Variants in DNMT3B observed in about 807,000 individuals in gnomAD.
DNMT3B encodes the protein DNA (cytosine-5)-methyltransferase 3B.
In DNMT3B, 37 loss-of-function variants were observed where a neutral mutation model predicts 120.2. The observed-to-expected ratio is 0.31, with a 90% CI of 0.24 to 0.40. The LOEUF (loss-of-function observed/expected upper bound fraction) is 0.40, where lower values mean the gene tolerates loss of function less well. DNMT3B is among the 10% of genes least tolerant of loss of function. DNMT3B has a pLI of 1.00. For synonymous variants in DNMT3B, 412 were observed against 442.8 expected (o/e 0.93, Z 0.87); for missense variants, 878 against 1,137.3 (o/e 0.77, Z 3.28).
rs377245977 is a variant in DNMT3B at position 32,805,414 on chromosome 20, C to T, written c.2301+7C>T. ...ATACAATAGGATAGCCAAGGTAAGA[C>T]GAGCTGTGGCCCTCTGGAAAAATGC... On this transcript the variant is annotated splice_region_variant and intron_variant, in intron 21 of 22. Transcript: ENST00000328111. The T allele has an allele frequency of 3.1e-5, 50 of 1,613,950 alleles. No homozygotes were observed. The highest frequency in any genetic ancestry group is 2.5e-4 in the South Asian group (23 of 91,068).
chr20:32,780,585 A>G, intron 2 of DNMT3B, 120 bp downstream of exon 2: 1 of 1,472,100 alleles, frequency 6.8e-7, no homozygotes, highest in Non-Finnish European at 9.1e-7. Flanking sequence ...CCCGGGAGGG[A>G]AGAGAGCTCT....
rs1601096135 is a variant in DNMT3B at position 32,788,850 on chromosome 20, C to T, written c.655-4C>T. ...GGGATTTCTTCATGTGGGTTTTCTT[C>T]CAGGATGGGAAGGAGTTTGGAATAG... On this transcript the variant is annotated splice_polypyrimidine_tract_variant and splice_region_variant and intron_variant, in intron 6 of 22. Transcript: ENST00000328111. The T allele has an allele frequency of 6.2e-7, 1 of 1,613,170 alleles. No individual in the cohort carries two copies. The highest frequency in any genetic ancestry group is 8.5e-7 in the Non-Finnish European group (1 of 1,179,894).
intron 18 of DNMT3B, 147 bp from the exon 19 acceptor site, chr20:32,801,131 C>A: frequency 7.7e-7 from 1 of 1,295,456 alleles, no homozygotes; most frequent in African/African-American, 1.5e-5. Flanking sequence ...CTGCCTGTGT[C>A]CCTGCTGTCA....
chr20:32,769,303 G>A (rs2145851469), intron 1 of DNMT3B, among the ~76,000 whole-genome samples: 1 of 152,212 alleles, frequency 6.6e-6, no homozygotes, highest in East Asian at 1.9e-4. Flanking sequence ...TCGCCAGGAT[G>A]GTCTTGATCT....
At chr20:32,780,489 G>GTGGT in intron 2 of DNMT3B, 24 bp downstream of exon 2, 1 of 1,609,000 alleles carries the variant, frequency 6.2e-7, no homozygotes, top group South Asian at 1.1e-5. Flanking sequence ...GGGGACTGGG[G>GTGGT]TGGTGTCAGG....
intron 1 of DNMT3B, among the ~76,000 whole-genome samples, chr20:32,770,301 T>C (rs965233287): frequency 6.6e-6 from 1 of 151,898 alleles, no homozygotes; most frequent in Non-Finnish European, 1.5e-5. Flanking sequence ...TTTTTTTTTT[T>C]CTGAGGCAGA....
Position 32,809,346 on chromosome 20 carries a change from G to A in DNMT3B, c.*1443G>A, listed in dbSNP as rs1312652054. 8 of 201,680 alleles carry A rather than the reference G, an allele frequency of 4.0e-5. No homozygotes were observed. In the East Asian group the frequency reaches 6.1e-4, roughly 15 times the overall value. 12.5% of individuals were successfully genotyped at this position (201,680 alleles called of 1,614,324 possible). On this transcript the variant is annotated 3_prime_UTR_variant, in exon 23 of 23. Coordinates refer to ENST00000328111, the MANE Select transcript of DNMT3B (RefSeq NM_006892.4). The stretch of plus-strand genomic sequence containing the variant: ...TTTACCTTATGTTTAATTAAAATCA[G>A]TATTTGTCTATAACTGTCTGATGTC...
At chr20:32,763,908 G>A (rs1412951896) in intron 1 of DNMT3B, among the ~76,000 whole-genome samples, 1 of 152,202 alleles carries the variant, frequency 6.6e-6, no homozygotes, top group Non-Finnish European at 1.5e-5. Flanking sequence ...GGATGCGGTG[G>A]GTTGTGGCAG....
chr20:32,776,621 C>T (rs1483953465), intron 1 of DNMT3B, among the ~76,000 whole-genome samples: 1 of 152,130 alleles, frequency 6.6e-6, no homozygotes, highest in East Asian at 1.9e-4. Flanking sequence ...CTTGGTTTCT[C>T]CATCTGCAAA....
At chr20:32,800,322 G>C in intron 17 of DNMT3B, 24 bp downstream of exon 17, 4 of 1,613,764 alleles carry the variant, frequency 2.5e-6, no homozygotes, top group Non-Finnish European at 2.5e-6. Context: ...GTACCTTGCG[G>C]GCCTCATCTC....
intron 7 of DNMT3B, among the ~76,000 whole-genome samples, chr20:32,789,380 G>T (rs1979699635): frequency 6.6e-6 from 1 of 152,240 alleles, no homozygotes; most frequent in Non-Finnish European, 1.5e-5. Context: ...GCGGCCTCTT[G>T]TCATTTAGCC....
At chr20:32,797,822 G>C (rs1373233972) in intron 14 of DNMT3B, among the ~76,000 whole-genome samples, 1 of 152,082 alleles carries the variant, frequency 6.6e-6, no homozygotes, top group Admixed American at 6.6e-5. Context: ...ACCACGCCCA[G>C]ATAATTTTTG....
At chr20:32,789,206 A>G (rs945731547) in intron 7 of DNMT3B, among the ~76,000 whole-genome samples, 194 bp downstream of exon 7, 8 of 152,246 alleles carry the variant, frequency 5.3e-5, no homozygotes, top group Non-Finnish European at 1.0e-4. Flanking sequence ...CAAAAGTGCT[A>G]GAAAGTTCTG....
chr20:32,780,558 A>C, intron 2 of DNMT3B, 93 bp downstream of exon 2: 1 of 1,539,744 alleles, frequency 6.5e-7, no homozygotes, highest in African/African-American at 1.4e-5. Flanking sequence ...AGTCTCTGAC[A>C]ACCTCCACCA....
chr20:32,790,877 T>G (rs1979894739), intron 7 of DNMT3B, among the ~76,000 whole-genome samples: 1 of 152,134 alleles, frequency 6.6e-6, no homozygotes, highest in Non-Finnish European at 1.5e-5. Context: ...TTGTCCAGGC[T>G]AGTCGAACTC....
In DNMT3B at chr20:32,780,452, C is replaced by T. The variant is rs377301092; in HGVS notation, c.129C>T (p.Thr43=). 17 of 1,612,994 alleles carry T rather than the reference C, an allele frequency of 1.1e-5. No homozygotes were observed. The African/African-American group carries it at 2.3e-4, about 22-fold the overall frequency. ...DSPPILEAIR[T]PEIRGRRSSS... ...CCCCAATCCTGGAGGCTATCCGCAC[C>T]CCGGAGATCAGAGGTGGCTGGGCAG... Residue 43 remains threonine (T), a synonymous_variant, in exon 2 of 23, where the codon ACC becomes ACT. Coordinates refer to ENST00000328111, the MANE Select transcript of DNMT3B (RefSeq NM_006892.4).
intron 8 of DNMT3B, among the ~76,000 whole-genome samples, chr20:32,791,958 G>A (rs995917819): frequency 6.6e-6 from 1 of 152,224 alleles, no homozygotes. Context: ...AGTTAGGGGT[G>A]CAATATTCGT....
chr20:32,777,280 T>C (rs1988113578), intron 1 of DNMT3B, among the ~76,000 whole-genome samples: 1 of 151,978 alleles, frequency 6.6e-6, no homozygotes, highest in Non-Finnish European at 1.5e-5. Flanking sequence ...TTTTGGAAGG[T>C]GTGCTGCCCA....
chr20:32,799,460 A>T, intron 16 of DNMT3B, 132 bp downstream of exon 16: 1 of 989,538 alleles, frequency 1.0e-6, no homozygotes, highest in East Asian at 2.6e-5. Flanking sequence ...CCTGAAAAAA[A>T]CCCTGTCTCC....
Sources: allele counts gnomAD v4.1 joint callset (sites outside exome capture counted in the v4.1 genomes callset), GRCh38; gene constraint gnomAD v4.1.1; transcripts MANE v1.5; gene names NCBI Gene and HGNC (gene_info 2026-07-23, HGNC 2026-07-21).